Variants in KDM4B observed in about 807,000 individuals in gnomAD.
The protein encoded by KDM4B is lysine-specific demethylase 4B.
A neutral mutation model predicts 125.2 loss-of-function variants in KDM4B; 32 were observed. The observed-to-expected ratio is 0.26, with a 90% CI of 0.19 to 0.34. The LOEUF is 0.34. Ranked by LOEUF, KDM4B falls within the 10% of genes least tolerant of loss-of-function variation. The pLI is 1.00. For synonymous variants in KDM4B, 721 were observed against 677.9 expected (o/e 1.06, Z -0.99); for missense variants, 1,190 against 1,577.7 (o/e 0.75, Z 4.16).
intron 9 of KDM4B, among the ~76,000 whole-genome samples, chr19:5,092,539 G>A (rs997068693): frequency 2.6e-5 from 4 of 152,242 alleles, no homozygotes; most frequent in East Asian, 1.9e-4. Context: ...TTTCTAGACC[G>A]AGGCTCGTGG....
chr19:5,039,723 C>A, intron 3 of KDM4B, 113 bp from the exon 4 acceptor site: 2 of 1,224,566 alleles, frequency 1.6e-6, no homozygotes, highest in East Asian at 2.4e-5. Context: ...GGGGGTGTCC[C>A]GAGGTGCAGA....
At chr19:5,085,122 G>T (rs1468977111) in intron 9 of KDM4B, among the ~76,000 whole-genome samples, 2 of 152,140 alleles carry the variant, frequency 1.3e-5, no homozygotes, top group African/African-American at 4.8e-5. Flanking sequence ...TTATTTTTCT[G>T]GCTGTTTCTC....
intron 1 of KDM4B, among the ~76,000 whole-genome samples, chr19:4,974,911 T>C (rs1382096087): frequency 2.6e-5 from 4 of 152,066 alleles, no homozygotes; most frequent in Non-Finnish European, 5.9e-5. Flanking sequence ...CCTTCCTTCC[T>C]TTCCTCCCTT....
chr19:5,073,938 G>C (rs2038023706), intron 7 of KDM4B, among the ~76,000 whole-genome samples: 1 of 152,174 alleles, frequency 6.6e-6, no homozygotes, highest in Non-Finnish European at 1.5e-5. Flanking sequence ...GGAACATAGT[G>C]AGACTCTGTC....
At chr19:5,022,995 G>A (rs551885508) in intron 2 of KDM4B, among the ~76,000 whole-genome samples, 63 of 152,266 alleles carry the variant, frequency 4.1e-4, no homozygotes, top group Non-Finnish European at 6.8e-4. Context: ...TTAATCCCTG[G>A]AACCCATGAA....
At chr19:5,008,108 G>C (rs766384312) in intron 1 of KDM4B, among the ~76,000 whole-genome samples, 14 of 151,964 alleles carry the variant, frequency 9.2e-5, no homozygotes, top group Non-Finnish European at 1.8e-4. Context: ...AGATACTGTT[G>C]GTACAAAAAG....
intron 1 of KDM4B, among the ~76,000 whole-genome samples, chr19:5,013,408 C>T (rs1356036491): frequency 6.6e-6 from 1 of 152,166 alleles, no homozygotes; most frequent in Non-Finnish European, 1.5e-5. Flanking sequence ...CCCTTTGCTG[C>T]TATGACAAAT....
chr19:5,136,286 C>T (rs1275514452), intron 15 of KDM4B, among the ~76,000 whole-genome samples: 2 of 152,256 alleles, frequency 1.3e-5, no homozygotes, highest in Admixed American at 6.5e-5. Flanking sequence ...GACCCCTCCC[C>T]AGTCCTGAGG....
At chr19:4,977,901 A>T (rs1156839032) in intron 1 of KDM4B, among the ~76,000 whole-genome samples, 1 of 152,116 alleles carries the variant, frequency 6.6e-6, no homozygotes, top group Admixed American at 6.5e-5. Flanking sequence ...TGCGAGCAGG[A>T]CCCAAGCCAG....
At chr19:4,978,156 T>A (rs1165070882) in intron 1 of KDM4B, among the ~76,000 whole-genome samples, 2 of 152,106 alleles carry the variant, frequency 1.3e-5, no homozygotes, top group Admixed American at 6.5e-5. Context: ...TTCCAACTGC[T>A]TCCCCCAGGA....
intron 6 of KDM4B, among the ~76,000 whole-genome samples, chr19:5,048,424 GC>G (rs1371925185): frequency 6.6e-5 from 10 of 152,240 alleles, no homozygotes; most frequent in Admixed American, 6.5e-5. Context: ...CCGCGGGGCT[GC>G]CCTGCACTGT....
At chr19:4,989,031 A>G (rs1416165287) in intron 1 of KDM4B, among the ~76,000 whole-genome samples, 1 of 152,232 alleles carries the variant, frequency 6.6e-6, no homozygotes, top group African/African-American at 2.4e-5. Flanking sequence ...GCCAGGAAAC[A>G]GGACAAAATG....
intron 13 of KDM4B, among the ~76,000 whole-genome samples, chr19:5,132,898 G>A (rs2039584519): frequency 6.6e-6 from 1 of 152,210 alleles, no homozygotes; most frequent in African/African-American, 2.4e-5. Context: ...TCCGCTGGCG[G>A]TACTGTCTGG....
In KDM4B at chr19:5,138,080, T is replaced by C; in HGVS notation, c.2550+10T>C. ...GCAGCGGTGGAAGCTGGTAGGTCCT[T>C]GCGGTCGAGGCCCACCCTGCCCGTG... On this transcript the variant is annotated intron_variant, in intron 18 of 22. Transcript: ENST00000159111. 1.2e-6 allele frequency: 2 copies of C among 1,605,380 alleles called. No homozygotes were observed. The highest frequency in any genetic ancestry group is 1.7e-6 in the Non-Finnish European group (2 of 1,175,394).
intron 1 of KDM4B, among the ~76,000 whole-genome samples, chr19:4,991,698 A>G (rs957086522): frequency 2.0e-5 from 3 of 152,100 alleles, no homozygotes; most frequent in African/African-American, 7.2e-5. Context: ...GATTCCAGGA[A>G]CCACCATTGC....
chr19:5,093,220 T>C (rs1423935231), intron 9 of KDM4B, among the ~76,000 whole-genome samples: 1 of 152,192 alleles, frequency 6.6e-6, no homozygotes, highest in African/African-American at 2.4e-5. Flanking sequence ...CTGCTTGTCA[T>C]GTCCCTGCAG....
intron 8 of KDM4B, chr19:5,079,218 G>A (rs1398775552): frequency 2.0e-5 from 3 of 152,140 alleles, no homozygotes; most frequent in Non-Finnish European, 4.4e-5. Context: ...AGAGGAAACC[G>A]AGTTCCGGGC....
Position 5,131,217 on chromosome 19 carries a change from A to G in KDM4B, c.1457A>G (p.Glu486Gly). ...EEALWLPSPLEPPVLGPGPAA... is the reference protein window; with the variant it reads ...EEALWLPSPLGPPVLGPGPAA... Reference sequence around the variant, plus strand: ...GCGCTGTGGCTGCCATCCCCACTGGAGCCCCCGGTGCTGGGCCCAGGCCCT... The same window carrying G: ...GCGCTGTGGCTGCCATCCCCACTGGGGCCCCCGGTGCTGGGCCCAGGCCCT... The change falls in exon 12 of 23, where the codon GAG (glutamate) becomes GGG (glycine). Residue 486 changes from glutamate to glycine, a missense_variant. This residue lies in a region of KDM4B where 428 missense variants were observed against 405.1 expected (regional missense o/e 1.06). Transcript: ENST00000159111. The G allele has an allele frequency of 1.2e-6, 2 of 1,605,672 alleles. No individual in the cohort carries two copies. Among genetic ancestry groups the G allele is most frequent in the Non-Finnish European group, 1.7e-6 (2 of 1,176,610 alleles).
rs762221363 is a variant in KDM4B, at chr19:5,041,131, C to T, written c.318-6C>T. On this transcript the variant is annotated splice_region_variant and splice_polypyrimidine_tract_variant and intron_variant, in intron 4 of 22. Coordinates refer to ENST00000159111, the MANE Select transcript of KDM4B (RefSeq NM_015015.3). Reference sequence around the variant, plus strand: ...CTGAGCTGGTTTTGGGGTGTTTGTTCACCAGGTACTGTACCCCGCGGCACC... The same window carrying T: ...CTGAGCTGGTTTTGGGGTGTTTGTTTACCAGGTACTGTACCCCGCGGCACC... 4 of 1,598,672 alleles carry T rather than the reference C, an allele frequency of 2.5e-6. No individual in the cohort carries two copies. The highest frequency in any genetic ancestry group is 3.4e-6 in the Non-Finnish European group (4 of 1,167,224).
Sources: allele counts gnomAD v4.1 joint callset (sites outside exome capture counted in the v4.1 genomes callset), GRCh38; gene constraint gnomAD v4.1.1; regional missense constraint gnomAD v4.1.1; transcripts MANE v1.5; gene names NCBI Gene and HGNC (gene_info 2026-07-23, HGNC 2026-07-21).